The following CDC42BPA variants were observed in gnomAD, a reference collection of about 807,000 sequenced individuals.
CDC42BPA encodes serine/threonine-protein kinase MRCK alpha.
In CDC42BPA, 80 loss-of-function variants were observed where a neutral mutation model predicts 223.5. The ratio of observed to expected loss-of-function variants is 0.36; its 90% CI spans 0.30 to 0.43. CDC42BPA has a LOEUF of 0.43. CDC42BPA is among the 20% of genes least tolerant of loss of function. The pLI, the probability that CDC42BPA is intolerant of heterozygous loss-of-function variation, is 1.00. For missense variants in CDC42BPA, 1,743 were observed against 2,099.9 expected (o/e 0.83, Z 3.32); for synonymous variants, 694 against 718.6 (o/e 0.97, Z 0.55).
At chr1:227,108,104 C>G (rs1414916942) in intron 14 of CDC42BPA, among the ~76,000 whole-genome samples, 2 of 152,076 alleles carry the variant, frequency 1.3e-5, no homozygotes, top group Non-Finnish European at 2.9e-5. Flanking sequence ...CTGTGCTCTA[C>G]TCTTTATTAT....
intron 1 of CDC42BPA, among the ~76,000 whole-genome samples, chr1:227,259,540 T>A (rs1358637826): frequency 6.6e-6 from 1 of 151,056 alleles, no homozygotes; most frequent in East Asian, 1.9e-4. Flanking sequence ...CAAGCCTGAA[T>A]CTTACACTAA....
At chr1:227,071,721 C>G (rs1414849186) in intron 20 of CDC42BPA, among the ~76,000 whole-genome samples, 4 of 118,122 alleles carry the variant, frequency 3.4e-5, no homozygotes, top group East Asian at 2.7e-4. Flanking sequence ...CCCACCCCCC[C>G]CCCCCCAATT....
intron 14 of CDC42BPA, among the ~76,000 whole-genome samples, chr1:227,105,649 G>A (rs1034956446): frequency 1.3e-5 from 2 of 151,854 alleles, no homozygotes; most frequent in East Asian, 1.9e-4. Flanking sequence ...CCACTGCATC[G>A]GGCCTGAATT....
rs1694582391 is a variant in CDC42BPA at position 227,317,436 on chromosome 1, A to G, written c.-254T>C. On this transcript the variant is annotated 5_prime_UTR_variant, in exon 1 of 37. Coordinates refer to ENST00000366766, the MANE Select transcript of CDC42BPA (RefSeq NM_001394014.1). ...AAATATATACTTAATGCATTTTTAA[A>G]AGAATACAATTAAGTCGTATATTTA... 2.4e-6 allele frequency: 1 copy of G among 408,652 alleles called. No individual in the cohort carries two copies. Among genetic ancestry groups the G allele is most frequent in the Non-Finnish European group, 4.3e-6 (1 of 233,454 alleles). 25.3% of individuals were successfully genotyped at this position (408,652 alleles called of 1,614,324 possible).
intron 4 of CDC42BPA, among the ~76,000 whole-genome samples, chr1:227,196,585 C>T (rs11811210): frequency 0.054 from 8,174 of 152,016 alleles, 238 homozygotes; most frequent in Non-Finnish European, 0.072. Context: ...ATGATCCGCC[C>T]GCCTTGGCCT....
At chr1:227,250,634 GTGTGTA>G (rs1164374267) in intron 2 of CDC42BPA, among the ~76,000 whole-genome samples, 4 of 151,960 alleles carry the variant, frequency 2.6e-5, no homozygotes, top group Non-Finnish European at 4.4e-5. Flanking sequence ...GTGTGTGTGT[GTGTGTA>G]TGTGTGTGTG....
intron 5 of CDC42BPA, among the ~76,000 whole-genome samples, chr1:227,179,380 T>C (rs1667510424): frequency 6.6e-6 from 1 of 152,190 alleles, no homozygotes; most frequent in Admixed American, 6.5e-5. Flanking sequence ...CTCACGCCTG[T>C]AATCCCAGCA....
At chr1:227,069,582 T>C (rs1677854541) in intron 21 of CDC42BPA, 195 bp downstream of exon 21, 1 of 396,720 alleles carries the variant, frequency 2.5e-6, no homozygotes, top group Non-Finnish European at 4.6e-6. Flanking sequence ...CTTAGATGTT[T>C]TGTTAAACAG....
At chr1:227,308,735 A>G (rs1693000177) in intron 1 of CDC42BPA, among the ~76,000 whole-genome samples, 1 of 152,206 alleles carries the variant, frequency 6.6e-6, no homozygotes, top group African/African-American at 2.4e-5. Flanking sequence ...CTTTTCCAGT[A>G]TATTGGTTTA....
chr1:227,284,010 A>G (rs1239200291), intron 1 of CDC42BPA, among the ~76,000 whole-genome samples: 1 of 152,172 alleles, frequency 6.6e-6, no homozygotes, highest in African/African-American at 2.4e-5. Context: ...CAGTGAGACA[A>G]GATCACACCA....
rs534441228 is a variant in CDC42BPA at position 227,040,507 on chromosome 1, T to G, written c.3094-271A>C. ...TATATAAAATAAACAATAGCTTTTT[T>G]GGGGGGCTCATAAATCTTAGCTTCA... is the stretch of plus-strand genomic sequence containing the variant. On this transcript the variant is annotated intron_variant, in intron 23 of 36. Transcript: ENST00000366766. 9.9e-5 allele frequency among the ~76,000 whole-genome samples: 15 copies of G among 152,274 alleles called. No homozygotes were observed. In the South Asian group the frequency reaches 2.9e-3, roughly 29 times the overall value.
At chr1:227,193,678 C>G in intron 5 of CDC42BPA, 108 bp downstream of exon 5, 1 of 916,440 alleles carries the variant, frequency 1.1e-6, no homozygotes, top group Non-Finnish European at 1.6e-6. Flanking sequence ...TTTTGGTTGA[C>G]GATAAATGTA....
rs1553354685 is a variant in CDC42BPA, at chr1:227,133,102, C to CT, written c.1391-3872_1391-3871insA. 1.5e-4 allele frequency among the ~76,000 whole-genome samples: 23 copies of CT among 150,560 alleles called. 1 individual carries two copies. The highest frequency in any genetic ancestry group is 3.4e-3 in the Middle Eastern group (1 of 290). On this transcript the variant is annotated intron_variant, in intron 10 of 36. Coordinates refer to ENST00000366766, the MANE Select transcript of CDC42BPA (RefSeq NM_001394014.1). ...GAGGGAGGTGGGGGGGTCAGCCCCC[C>CT]GCCCGGCCAGCCGCCCTGTCCGGGA...
At chr1:227,132,580 G>C (rs1013807546) in intron 10 of CDC42BPA, among the ~76,000 whole-genome samples, 30 of 147,736 alleles carry the variant, frequency 2.0e-4, no homozygotes, top group African/African-American at 6.1e-4. Context: ...GAGCGTCTCT[G>C]CCTGGCCGCC....
At position 227,147,395 on chromosome 1, in the gene CDC42BPA, C is replaced by T. The variant is rs1267392725; in HGVS notation, c.858G>A (p.Ser286=). 10 of 1,611,902 alleles carry T rather than the reference C, an allele frequency of 6.2e-6. No individual in the cohort carries two copies. The highest frequency in any genetic ancestry group is 2.2e-5 in the East Asian group (1 of 44,766). Residue 286 remains serine, a synonymous_variant, in exon 7 of 37, where the codon TCG becomes TCA. Coordinates refer to ENST00000366766, the MANE Select transcript of CDC42BPA (RefSeq NM_001394014.1). The part of the protein sequence containing the change: ...LYGETPFYAE[S]LVETYGKIMN... ...TGATTTTTCCGTATGTCTCCACCAG[C>T]GATTCTGCATAAAATGGTGTTTCTC... is the stretch of plus-strand genomic sequence containing the variant.
At chr1:227,274,190 G>A (rs1686535537) in intron 1 of CDC42BPA, among the ~76,000 whole-genome samples, 1 of 151,998 alleles carries the variant, frequency 6.6e-6, no homozygotes, top group South Asian at 2.1e-4. Flanking sequence ...GATGCAAGGA[G>A]TGAAGGAAAG....
chr1:227,198,761 T>G (rs2313435), intron 4 of CDC42BPA, among the ~76,000 whole-genome samples: 21 of 2,682 alleles, frequency 7.8e-3, no homozygotes, highest in East Asian at 0.021. Context: ...TTAAATGTGT[T>G]TTTTTTTTTT....
chr1:227,253,944 CAACTT>C (rs1288839641), intron 2 of CDC42BPA, 115 bp downstream of exon 2: 12 of 711,510 alleles, frequency 1.7e-5, no homozygotes, highest in African/African-American at 3.6e-5. Context: ...ACATCAATCA[CAACTT>C]AACAAATATT....
At chr1:227,064,598 T>C (rs1558412160) in intron 21 of CDC42BPA, among the ~76,000 whole-genome samples, 1 of 151,994 alleles carries the variant, frequency 6.6e-6, no homozygotes, top group Non-Finnish European at 1.5e-5. Context: ...GTTTATTACC[T>C]AGAGAAAGAG....
Sources: allele counts gnomAD v4.1 joint callset (sites outside exome capture counted in the v4.1 genomes callset), GRCh38; gene constraint gnomAD v4.1.1; transcripts MANE v1.5; gene names NCBI Gene and HGNC (gene_info 2026-07-23, HGNC 2026-07-21).